The following CDCA2 variants were observed in gnomAD, a reference collection of about 807,000 sequenced individuals.
CDCA2 encodes the protein cell division cycle-associated protein 2.
CDCA2 carries 44 observed loss-of-function variants against 67.0 expected under a neutral mutation model. The ratio of observed to expected loss-of-function variants is 0.66; its 90% CI spans 0.52 to 0.84. The LOEUF (loss-of-function observed/expected upper bound fraction) is 0.84. Ranked by LOEUF, CDCA2 falls within the 40% of genes least tolerant of loss-of-function variation. CDCA2 has a pLI of 0.00. For missense variants in CDCA2, 1,253 were observed against 1,203.2 expected (o/e 1.04, Z -0.61); for synonymous variants, 447 against 418.7 (o/e 1.07, Z -0.82).
At chr8:25,467,064 A>AAAAAC (rs1191915218) in intron 5 of CDCA2, among the ~76,000 whole-genome samples, 1 of 140,372 alleles carries the variant, frequency 7.1e-6, no homozygotes, top group Non-Finnish European at 1.5e-5. Flanking sequence ...AAAAAAAAAA[A>AAAAAC]AACACACACA....
chr8:25,481,167 C>T (rs1803553283), intron 8 of CDCA2, among the ~76,000 whole-genome samples: 2 of 151,460 alleles, frequency 1.3e-5, no homozygotes, highest in African/African-American at 4.9e-5. Flanking sequence ...CACCTGTAAT[C>T]CCCTGACTTT....
chr8:25,487,732 T>C (rs1803838834), intron 12 of CDCA2, among the ~76,000 whole-genome samples: 1 of 151,930 alleles, frequency 6.6e-6, no homozygotes, highest in Non-Finnish European at 1.5e-5. Flanking sequence ...GGAGTGAGAC[T>C]CCGTCTCAAA....
intron 4 of CDCA2, among the ~76,000 whole-genome samples, chr8:25,463,752 A>T (rs1016109239): frequency 1.3e-5 from 2 of 152,186 alleles, no homozygotes; most frequent in African/African-American, 4.8e-5. Context: ...GCTGCTCAGA[A>T]TCTTCCCATG....
chr8:25,467,627 T>C (rs1392827388), intron 5 of CDCA2, among the ~76,000 whole-genome samples: 1 of 152,296 alleles, frequency 6.6e-6, no homozygotes, highest in South Asian at 2.1e-4. Flanking sequence ...ATATTAGACA[T>C]GCAAAAGTAT....
intron 7 of CDCA2, among the ~76,000 whole-genome samples, chr8:25,476,224 C>T (rs1219688750): frequency 6.6e-6 from 1 of 152,200 alleles, no homozygotes; most frequent in South Asian, 2.1e-4. Flanking sequence ...AGAACTCTTA[C>T]TCCACTATCT....
chr8:25,465,249 C>T (rs1802854400), intron 4 of CDCA2, among the ~76,000 whole-genome samples: 1 of 152,204 alleles, frequency 6.6e-6, no homozygotes, highest in Non-Finnish European at 1.5e-5. Context: ...GCTGGGATTA[C>T]ATGCATGAGC....
chr8:25,481,187 A>G (rs1200691108), intron 8 of CDCA2, among the ~76,000 whole-genome samples: 1 of 150,778 alleles, frequency 6.6e-6, no homozygotes, highest in African/African-American at 2.4e-5. Flanking sequence ...TGGAAGGCCA[A>G]CACTGAAGGA....
intron 13 of CDCA2, among the ~76,000 whole-genome samples, chr8:25,490,259 TAAA>T (rs1401181314): frequency 1.3e-5 from 2 of 152,074 alleles, no homozygotes; most frequent in African/African-American, 2.4e-5. Flanking sequence ...CCTATTCATA[TAAA>T]ATTACGGCCA....
At chr8:25,505,388 A>G (rs996458573) in intron 14 of CDCA2, among the ~76,000 whole-genome samples, 6 of 152,038 alleles carry the variant, frequency 3.9e-5, no homozygotes, top group Non-Finnish European at 8.8e-5. Context: ...TTTAGTAGAG[A>G]CGGGGTTTCA....
intron 4 of CDCA2, among the ~76,000 whole-genome samples, chr8:25,464,334 T>G (rs774790926): frequency 7.2e-5 from 11 of 152,214 alleles, no homozygotes; most frequent in Admixed American, 1.3e-4. Flanking sequence ...GAGGATCGTT[T>G]GAGCCCAAGA....
chr8:25,469,606 T>C (rs1187399933), intron 6 of CDCA2, among the ~76,000 whole-genome samples: 1 of 152,230 alleles, frequency 6.6e-6, no homozygotes, highest in Non-Finnish European at 1.5e-5. Flanking sequence ...AACAAAAATA[T>C]ATCCTTTAAA....
chr8:25,465,042 C>T (rs1438745509), intron 4 of CDCA2, among the ~76,000 whole-genome samples: 1 of 152,124 alleles, frequency 6.6e-6, no homozygotes. Context: ...GGCATGATCT[C>T]GGCCCATTGC....
intron 13 of CDCA2, among the ~76,000 whole-genome samples, chr8:25,499,657 C>G (rs193173294): frequency 2.4e-4 from 37 of 152,014 alleles, no homozygotes; most frequent in African/African-American, 7.7e-4. Context: ...TTAAAGAAGT[C>G]TTAATTATGC....
chr8:25,467,065 A>AAAAAAAAAAAAC (rs1468639428), intron 5 of CDCA2, among the ~76,000 whole-genome samples: 32 of 126,248 alleles, frequency 2.5e-4, no homozygotes, highest in African/African-American at 1.0e-3. Context: ...AAAAAAAAAA[A>AAAAAAAAAAAAC]ACACACACAC....
intron 13 of CDCA2, among the ~76,000 whole-genome samples, chr8:25,488,989 A>G (rs1304232311): frequency 6.6e-6 from 1 of 152,118 alleles, no homozygotes; most frequent in Non-Finnish European, 1.5e-5. Context: ...ATATTACCCT[A>G]TTGGGAATCC....
chr8:25,474,258 A>G (rs1380309331), intron 7 of CDCA2, among the ~76,000 whole-genome samples: 1 of 152,170 alleles, frequency 6.6e-6, no homozygotes, highest in African/African-American at 2.4e-5. Context: ...TAATTTTCTT[A>G]TATGTAGCAG....
Position 25,506,915 on chromosome 8 carries a change from G to A in CDCA2, c.2249G>A (p.Cys750Tyr). 1 of 1,612,692 alleles carries A rather than the reference G, an allele frequency of 6.2e-7. No homozygotes were observed. The highest frequency in any genetic ancestry group is 8.5e-7 in the Non-Finnish European group (1 of 1,179,366). ...SAGGQNAENL[C>Y]QFFKISPDLN... The stretch of plus-strand genomic sequence containing the variant: ...GGTGGTCAAAATGCAGAAAACCTTT[G>A]TCAGTTCTTTAAAATTTCACCAGAT... Residue 750 changes from cysteine (C) to tyrosine (Y), a missense_variant, in exon 15 of 15, where the codon TGT becomes TAT. Cys to Tyr is a radical substitution (Grantham distance 194). Transcript: ENST00000330560.
At chr8:25,482,256 T>C (rs1045037504) in intron 8 of CDCA2, among the ~76,000 whole-genome samples, 1 of 152,350 alleles carries the variant, frequency 6.6e-6, no homozygotes, top group East Asian at 1.9e-4. Flanking sequence ...AATATAGTAA[T>C]GTAAAAAGAT....
intron 8 of CDCA2, among the ~76,000 whole-genome samples, chr8:25,482,994 TA>T (rs1442115539): frequency 6.6e-6 from 1 of 152,230 alleles, no homozygotes; most frequent in Non-Finnish European, 1.5e-5. Context: ...TGCCATTATA[TA>T]AAAGGGACTT....
Sources: allele counts gnomAD v4.1 joint callset (sites outside exome capture counted in the v4.1 genomes callset), GRCh38; gene constraint gnomAD v4.1.1; transcripts MANE v1.5; gene names NCBI Gene and HGNC (gene_info 2026-07-23, HGNC 2026-07-21).